FGF14: variants seen among roughly 807,000 people sequenced by gnomAD.
The protein encoded by FGF14 is fibroblast growth factor homologous factor 4.
FGF14 carries 5 observed loss-of-function variants against 25.5 expected under a neutral mutation model. The observed-to-expected ratio is 0.20, with a 90% CI of 0.10 to 0.41. FGF14 has a LOEUF of 0.41. FGF14 is among the 10% of genes least tolerant of loss of function. The pLI, the probability that FGF14 is intolerant of heterozygous loss-of-function variation, is 1.00. For missense variants in FGF14, 222 were observed against 320.1 expected (o/e 0.69, Z 2.34); for synonymous variants, 138 against 118.3 (o/e 1.17, Z -1.08).
intron 1 of FGF14, among the ~76,000 whole-genome samples, chr13:102,269,969 A>G (rs1456992801): frequency 2.0e-5 from 3 of 152,178 alleles, no homozygotes; most frequent in Admixed American, 6.5e-5. Flanking sequence ...GTTGCTGTTC[A>G]AAGGCAGGGA....
chr13:101,949,413 G>A (rs2036016574), intron 1 of FGF14, among the ~76,000 whole-genome samples: 1 of 152,110 alleles, frequency 6.6e-6, no homozygotes, highest in South Asian at 2.1e-4. Flanking sequence ...TCTCACAGCT[G>A]CTTGGCTGCG....
At chr13:102,353,386 C>A (rs1377239576) in intron 1 of FGF14, among the ~76,000 whole-genome samples, 1 of 152,154 alleles carries the variant, frequency 6.6e-6, no homozygotes, top group Non-Finnish European at 1.5e-5. Context: ...AGCTTCAATA[C>A]CAGTTCAATG....
intron 1 of FGF14, among the ~76,000 whole-genome samples, chr13:102,037,133 A>C (rs181813023): frequency 5.9e-5 from 9 of 151,972 alleles, no homozygotes; most frequent in Admixed American, 2.6e-4. Context: ...AGAGACTATA[A>C]CTCTTAACTA....
At chr13:101,941,203 A>T (rs2035427424) in intron 1 of FGF14, among the ~76,000 whole-genome samples, 1 of 152,240 alleles carries the variant, frequency 6.6e-6, no homozygotes, top group African/African-American at 2.4e-5. Flanking sequence ...AGATGGAGTC[A>T]ACACCTTTTC....
intron 3 of FGF14, among the ~76,000 whole-genome samples, chr13:101,772,482 T>C (rs2038840905): frequency 6.6e-6 from 1 of 152,082 alleles, no homozygotes; most frequent in African/African-American, 2.4e-5. Flanking sequence ...GTGCTCTCTT[T>C]ATTTTCTTTT....
intron 3 of FGF14, among the ~76,000 whole-genome samples, chr13:101,821,186 G>T (rs1288841638): frequency 6.6e-6 from 1 of 152,134 alleles, no homozygotes; most frequent in Non-Finnish European, 1.5e-5. Flanking sequence ...CTGACCTCGT[G>T]ATCCACCCGC....
At chr13:101,877,634 A>G (rs1486570731) in intron 1 of FGF14, among the ~76,000 whole-genome samples, 1 of 152,202 alleles carries the variant, frequency 6.6e-6, no homozygotes, top group East Asian at 1.9e-4. Flanking sequence ...ATGCAAATCA[A>G]ATCTCTTTAA....
intron 1 of FGF14, among the ~76,000 whole-genome samples, chr13:102,251,904 G>A (rs1019019152): frequency 1.3e-5 from 2 of 152,124 alleles, no homozygotes; most frequent in Non-Finnish European, 2.9e-5. Context: ...AATTTGAAAT[G>A]AAATTTATGA....
chr13:101,778,914 C>T (rs2039315344), intron 3 of FGF14: 1 of 151,986 alleles, frequency 6.6e-6, no homozygotes, highest in South Asian at 2.1e-4. Flanking sequence ...CCCCCACTAC[C>T]ACCAATTATG....
intron 1 of FGF14, among the ~76,000 whole-genome samples, chr13:101,941,834 A>T (rs2035471967): frequency 6.6e-6 from 1 of 152,202 alleles, no homozygotes; most frequent in Admixed American, 6.5e-5. Context: ...GAATAAACCC[A>T]GGTAAATTTT....
At position 102,337,164 on chromosome 13, in the gene FGF14, A is replaced by G. The variant is rs979047834; in HGVS notation, c.208+64307T>C. On this transcript the variant is annotated intron_variant, in intron 1 of 4. Transcript: ENST00000376131. ...TTCCTCTGATGGGCCTGTGTAAAAT[A>G]CATTAAAAACATCTGGAAAGGATCC... Among the ~76,000 whole-genome samples, 24 of 152,356 alleles carry G rather than the reference A, an allele frequency of 1.6e-4. No homozygotes were observed. In the South Asian group the frequency reaches 2.5e-3, roughly 16 times the overall value.
chr13:101,922,076 A>G (rs2034044716), intron 1 of FGF14, among the ~76,000 whole-genome samples: 3 of 152,192 alleles, frequency 2.0e-5, no homozygotes, highest in African/African-American at 7.2e-5. Context: ...AAATGGTGCC[A>G]GGCAAGTAGG....
intron 1 of FGF14, among the ~76,000 whole-genome samples, chr13:102,000,170 T>A (rs1594947164): frequency 6.6e-6 from 1 of 151,808 alleles, no homozygotes; most frequent in Non-Finnish European, 1.5e-5. Flanking sequence ...CAAAAAAAAA[T>A]TAGCCGGGCC....
intron 3 of FGF14, among the ~76,000 whole-genome samples, chr13:101,855,688 G>A (rs2044090225): frequency 6.6e-6 from 1 of 151,910 alleles, no homozygotes; most frequent in Non-Finnish European, 1.5e-5. Context: ...AAAAGTCTGA[G>A]GGATTTTTAA....
intron 1 of FGF14, among the ~76,000 whole-genome samples, chr13:102,231,768 C>T (rs886463397): frequency 6.6e-6 from 1 of 152,182 alleles, no homozygotes; most frequent in African/African-American, 2.4e-5. Context: ...GACTCCACCT[C>T]TTTCTGGCTG....
intron 1 of FGF14, among the ~76,000 whole-genome samples, chr13:102,081,585 T>A (rs908591025): frequency 6.6e-6 from 1 of 152,120 alleles, no homozygotes; most frequent in African/African-American, 2.4e-5. Flanking sequence ...CCCTGCTCTT[T>A]TTAAAAAAAA....
intron 1 of FGF14, among the ~76,000 whole-genome samples, chr13:102,121,807 C>A (rs1013608531): frequency 3.9e-5 from 6 of 152,208 alleles, no homozygotes; most frequent in African/African-American, 1.4e-4. Context: ...GTAAATTCAT[C>A]AGGCTCCTAA....
intron 3 of FGF14, among the ~76,000 whole-genome samples, chr13:101,736,272 G>A (rs2036180511): frequency 6.6e-6 from 1 of 152,096 alleles, no homozygotes; most frequent in Admixed American, 6.5e-5. Flanking sequence ...TTTAGAAATA[G>A]GGTTATCTTA....
intron 1 of FGF14, among the ~76,000 whole-genome samples, chr13:101,903,805 C>G (rs1349486084): frequency 6.6e-6 from 1 of 152,178 alleles, no homozygotes; most frequent in East Asian, 1.9e-4. Flanking sequence ...TGAACATAGA[C>G]TGTCAGCATC....
Sources: gnomAD v4.1 joint callset for allele counts (sites outside exome capture counted in the v4.1 genomes callset) on GRCh38, gnomAD v4.1.1 for gene constraint, MANE v1.5 for transcripts, NCBI Gene and HGNC (gene_info 2026-07-23, HGNC 2026-07-21) for gene names.